MARCHF1: variants seen among roughly 807,000 people sequenced by gnomAD.
The protein encoded by MARCHF1 is membrane associated ring-CH-type finger 1, also known as E3 ubiquitin-protein ligase MARCHF1.
MARCHF1 carries 40 observed loss-of-function variants against 54.2 expected under a neutral mutation model. The ratio of observed to expected loss-of-function variants is 0.74; its 90% CI spans 0.57 to 0.96. The LOEUF is 0.96. Among genes scored for constraint, MARCHF1 ranks in the 40% least tolerant of loss-of-function variants. The probability of loss-of-function intolerance (pLI) is 0.00; values close to 1 mark genes in which losing one functional copy is unlikely to be tolerated. For synonymous variants in MARCHF1, 236 were observed against 236.3 expected (o/e 1.00, Z 0.01); for missense variants, 586 against 656.5 (o/e 0.89, Z 1.17).
rs1201952372 is a variant in MARCHF1 at position 164,199,667 on chromosome 4, CACACACACACACACAGAGAG to C, written c.-322-88025_-322-88006del. ...ACACACACACACACACACACACACA[CACACACACACACACAGAGAG>C]AGAGAGAGAGAGAGAGAGAGAGAGA... is the stretch of plus-strand genomic sequence containing the variant. On this transcript the variant is annotated intron_variant, in intron 1 of 9. Coordinates refer to ENST00000514618, the MANE Select transcript of MARCHF1 (RefSeq NM_001394959.1). 8.7e-3 allele frequency among the ~76,000 whole-genome samples: 541 copies of C among 62,236 alleles called. 5 individuals carry two copies. The highest frequency in any genetic ancestry group is 0.051 in the East Asian group (182 of 3,558). The allele number at this position is 62,236 out of a possible 152,430, so 40.8% of individuals were successfully genotyped here. A position where few individuals can be genotyped will look rare whatever the true frequency, so the allele number is the denominator to read the frequency against.
intron 4 of MARCHF1, among the ~76,000 whole-genome samples, chr4:163,806,891 A>G (rs189707229): frequency 6.6e-6 from 1 of 152,312 alleles, no homozygotes; most frequent in Non-Finnish European, 1.5e-5. Context: ...CAGATGGACT[A>G]GACAGATAAA....
At chr4:163,976,521 T>G (rs1166137513) in intron 3 of MARCHF1, among the ~76,000 whole-genome samples, 4 of 152,162 alleles carry the variant, frequency 2.6e-5, no homozygotes, top group South Asian at 4.1e-4. Flanking sequence ...CATCAAAAAG[T>G]GGAATCTATA....
At chr4:164,215,678 A>G (rs975123912) in intron 1 of MARCHF1, among the ~76,000 whole-genome samples, 1 of 152,150 alleles carries the variant, frequency 6.6e-6, no homozygotes, top group African/African-American at 2.4e-5. Flanking sequence ...AAAATTAAGT[A>G]AGGTTGAGAA....
rs1243430795 is a variant in MARCHF1, at chr4:163,528,166, A to G, written c.*582T>C. On this transcript the variant is annotated 3_prime_UTR_variant, in exon 10 of 10. Transcript: ENST00000514618. ...ATGTCTTCAAATGTATATTGCATCT[A>G]TTTAAAAAAAACATGCATCTGTCAA... is the stretch of plus-strand genomic sequence containing the variant. The G allele has an allele frequency of 6.6e-6, 1 of 152,632 alleles. No homozygotes were observed. The highest frequency in any genetic ancestry group is 2.4e-5 in the African/African-American group (1 of 41,436). 9.5% of individuals were successfully genotyped at this position (152,632 alleles called of 1,614,324 possible).
At chr4:164,361,547 C>T (rs1730722654) in intron 1 of MARCHF1, among the ~76,000 whole-genome samples, 1 of 152,034 alleles carries the variant, frequency 6.6e-6, no homozygotes, top group South Asian at 2.1e-4. Flanking sequence ...TAGACTCTGC[C>T]TCTGTGATTT....
chr4:164,062,725 C>T (rs1754646127), intron 2 of MARCHF1, among the ~76,000 whole-genome samples: 1 of 152,018 alleles, frequency 6.6e-6, no homozygotes, highest in Non-Finnish European at 1.5e-5. Flanking sequence ...GGTTTCACCA[C>T]GTTAGCCAGG....
At chr4:163,791,011 T>C (rs1432115443) in intron 4 of MARCHF1, among the ~76,000 whole-genome samples, 2 of 152,140 alleles carry the variant, frequency 1.3e-5, no homozygotes, top group Non-Finnish European at 2.9e-5. Flanking sequence ...AAATGACTCA[T>C]TGACTCCTCT....
chr4:164,241,906 T>A (rs1732773206), intron 1 of MARCHF1, among the ~76,000 whole-genome samples: 2 of 152,188 alleles, frequency 1.3e-5, no homozygotes, highest in South Asian at 4.1e-4. Context: ...ACCCGAATAC[T>A]GCGCTTTTCC....
At chr4:164,030,504 C>T (rs1753855517) in intron 2 of MARCHF1, among the ~76,000 whole-genome samples, 1 of 152,138 alleles carries the variant, frequency 6.6e-6, no homozygotes, top group African/African-American at 2.4e-5. Flanking sequence ...CATATGAACA[C>T]TTTCTGTGAA....
chr4:163,873,050 A>AAAC (rs1560798052), intron 3 of MARCHF1, among the ~76,000 whole-genome samples: 25 of 150,524 alleles, frequency 1.7e-4, no homozygotes, highest in Non-Finnish European at 2.8e-4. Context: ...TCTCAAAAAA[A>AAAC]AAACAAACAA....
At position 163,920,688 on chromosome 4, in the gene MARCHF1, G is replaced by A. The variant is rs147299764; in HGVS notation, c.-38-66519C>T. The stretch of plus-strand genomic sequence containing the variant: ...CCTGCATTCCCTGCCCCCACAGGAT[G>A]GACTGACAGAGACAGATGGGCCAAG... On this transcript the variant is annotated intron_variant, in intron 3 of 9. Coordinates refer to ENST00000514618, the MANE Select transcript of MARCHF1 (RefSeq NM_001394959.1). 2.6e-4 allele frequency among the ~76,000 whole-genome samples: 39 copies of A among 152,190 alleles called. No homozygotes were observed. The East Asian group carries it at 6.6e-3, about 26-fold the overall frequency.
chr4:164,199,667 C>CAG (rs1208293559), intron 1 of MARCHF1, among the ~76,000 whole-genome samples: 134 of 62,206 alleles, frequency 2.2e-3, no homozygotes, highest in Admixed American at 3.0e-3. Context: ...CACACACACA[C>CAG]ACACACACAC....
chr4:164,062,051 T>C, intron 2 of MARCHF1, among the ~76,000 whole-genome samples: 1 of 152,250 alleles, frequency 6.6e-6, no homozygotes, highest in African/African-American at 2.4e-5. Flanking sequence ...TAAGCCCTCC[T>C]GCTGCTTTAT....
chr4:163,689,649 G>A (rs1039145643), intron 5 of MARCHF1, among the ~76,000 whole-genome samples: 11 of 150,310 alleles, frequency 7.3e-5, no homozygotes, highest in Non-Finnish European at 1.2e-4. Flanking sequence ...ATTCACCTGC[G>A]TGGATTTTTT....
At chr4:164,278,269 C>T (rs547391410) in intron 1 of MARCHF1, among the ~76,000 whole-genome samples, 3 of 152,256 alleles carry the variant, frequency 2.0e-5, no homozygotes, top group Non-Finnish European at 4.4e-5. Flanking sequence ...GTGATCGCAC[C>T]ACTGCACTCA....
intron 1 of MARCHF1, among the ~76,000 whole-genome samples, chr4:164,363,809 T>C (rs1730797439): frequency 6.8e-6 from 1 of 146,548 alleles, no homozygotes; most frequent in African/African-American, 2.5e-5. Flanking sequence ...ACTATGGATC[T>C]ACATCACATG....
intron 3 of MARCHF1, among the ~76,000 whole-genome samples, chr4:163,965,424 A>G (rs1752423034): frequency 6.6e-6 from 1 of 152,000 alleles, no homozygotes; most frequent in Non-Finnish European, 1.5e-5. Context: ...TAGATGAGGA[A>G]ACTAATATAT....
chr4:164,149,130 A>T (rs1729858456), intron 1 of MARCHF1, among the ~76,000 whole-genome samples: 1 of 152,106 alleles, frequency 6.6e-6, no homozygotes, highest in South Asian at 2.1e-4. Flanking sequence ...TTGTCATGTG[A>T]TATGCCAGCT....
chr4:163,929,839 GTAATA>G (rs1227335696), intron 3 of MARCHF1, among the ~76,000 whole-genome samples: 1 of 147,348 alleles, frequency 6.8e-6, no homozygotes. Context: ...TTCTAGCATG[GTAATA>G]TAATATATTG....
Sources: allele counts gnomAD v4.1 joint callset (sites outside exome capture counted in the v4.1 genomes callset), GRCh38; gene constraint gnomAD v4.1.1; transcripts MANE v1.5; gene names NCBI Gene and HGNC (gene_info 2026-07-23, HGNC 2026-07-21).